The following APBA1 variants were observed in gnomAD, a reference collection of about 807,000 sequenced individuals.
APBA1 encodes the protein amyloid beta precursor protein binding family A member 1, also known as amyloid-beta A4 precursor protein-binding family A member 1.
In APBA1, 55 loss-of-function variants were observed where a neutral mutation model predicts 86.6. The observed-to-expected ratio is 0.64, with a 90% CI of 0.51 to 0.80. The LOEUF (loss-of-function observed/expected upper bound fraction) is 0.80. Among genes scored for constraint, APBA1 ranks in the 30% least tolerant of loss-of-function variants. APBA1 has a pLI of 0.00. For missense variants in APBA1, 1,090 were observed against 1,183.0 expected (o/e 0.92, Z 1.15); for synonymous variants, 511 against 493.9 (o/e 1.03, Z -0.46).
chr9:69,523,475 A>ATG (rs1182596618), intron 1 of APBA1, among the ~76,000 whole-genome samples: 7 of 83,418 alleles, frequency 8.4e-5, no homozygotes, highest in South Asian at 3.5e-4. Context: ...ATATATATAT[A>ATG]TGTATATATA....
chr9:69,456,926 A>G lies in APBA1; in HGVS notation c.1602+127T>C, dbSNP rs1032804236. ...GCAGGCACTGTGAACACCACCTTCT[A>G]GCTCACTGGGGCCCAGAATCTAGGG... On this transcript the variant is annotated intron_variant, in intron 7 of 12. Transcript: ENST00000265381. 11 of 773,608 alleles carry G rather than the reference A, an allele frequency of 1.4e-5. No homozygotes were observed. In the Admixed American group the frequency reaches 2.4e-4, roughly 17 times the overall value. 47.9% of individuals were successfully genotyped at this position (773,608 alleles called of 1,614,324 possible). A position where few individuals can be genotyped will look rare whatever the true frequency, so the allele number is the denominator to read the frequency against.
chr9:69,470,377 G>A (rs1486632971), intron 4 of APBA1, among the ~76,000 whole-genome samples: 3 of 152,122 alleles, frequency 2.0e-5, no homozygotes, highest in African/African-American at 7.2e-5. Context: ...CTGTGGATGA[G>A]GGAGCACACA....
intron 5 of APBA1, chr9:69,461,166 G>A (rs1052229456): frequency 6.6e-6 from 1 of 152,170 alleles, no homozygotes; most frequent in Non-Finnish European, 1.5e-5. Context: ...AGATGGGAGA[G>A]TTGGAGCCAG....
rs560129816 is a variant in APBA1, at chr9:69,462,516, G to A, written c.1483-4328C>T. Reference sequence around the variant, plus strand: ...TTCCAGAGAATACTACCAATGACAGGTATCTATCACATGGTAACAATGTAT... The same window carrying A: ...TTCCAGAGAATACTACCAATGACAGATATCTATCACATGGTAACAATGTAT... On this transcript the variant is annotated intron_variant, in intron 5 of 12. Transcript: ENST00000265381. The A allele has an allele frequency of 3.9e-5, 6 of 152,294 alleles. No homozygotes were observed. The South Asian group carries it at 1.2e-3, about 32-fold the overall frequency. The allele number at this position is 152,294 out of a possible 1,614,324, so 9.4% of individuals were successfully genotyped here. A position where few individuals can be genotyped will look rare whatever the true frequency, so the allele number is the denominator to read the frequency against.
chr9:69,518,695 G>T (rs1315722173), intron 1 of APBA1, among the ~76,000 whole-genome samples: 2 of 152,080 alleles, frequency 1.3e-5, no homozygotes, highest in Non-Finnish European at 2.9e-5. Context: ...TTCTTTTGGA[G>T]AGCCTTTCTT....
At chr9:69,584,389 A>G (rs918918387) in intron 1 of APBA1, among the ~76,000 whole-genome samples, 1 of 152,220 alleles carries the variant, frequency 6.6e-6, no homozygotes. Flanking sequence ...AGCAGTCAAC[A>G]TATCTATCCT....
chr9:69,568,134 G>A (rs28635292), intron 1 of APBA1, among the ~76,000 whole-genome samples: 5,424 of 152,224 alleles, frequency 0.036, 321 homozygotes, highest in African/African-American at 0.12. Context: ...ACACAGGAAC[G>A]TTTTCCACGT....
intron 8 of APBA1, 56 bp from the exon 9 acceptor site, chr9:69,452,357 G>A (rs1443079525): frequency 1.7e-5 from 27 of 1,546,476 alleles, no homozygotes; most frequent in South Asian, 3.5e-5. Context: ...CCTGGTGAGC[G>A]GCCTGGCGCA....
intron 1 of APBA1, among the ~76,000 whole-genome samples, chr9:69,616,904 G>A (rs1461375838): frequency 1.3e-5 from 2 of 152,190 alleles, no homozygotes; most frequent in African/African-American, 4.8e-5. Flanking sequence ...AGATGTTTAA[G>A]ACCCTGACAA....
intron 5 of APBA1, chr9:69,462,380 G>C (rs1835205093): frequency 6.6e-6 from 1 of 152,268 alleles, no homozygotes; most frequent in Non-Finnish European, 1.5e-5. Context: ...CTAGAAAGGG[G>C]TAGGCATGAG....
At chr9:69,621,594 G>A (rs562469257) in intron 1 of APBA1, among the ~76,000 whole-genome samples, 1 of 152,110 alleles carries the variant, frequency 6.6e-6, no homozygotes, top group Non-Finnish European at 1.5e-5. Context: ...TATTCTCTTT[G>A]TGCCTCAGTT....
At chr9:69,604,850 A>C (rs528592712) in intron 1 of APBA1, among the ~76,000 whole-genome samples, 19 of 149,400 alleles carry the variant, frequency 1.3e-4, no homozygotes, top group African/African-American at 4.5e-4. Context: ...GGGTAAGAGG[A>C]GAGGCATATG....
At chr9:69,521,284 C>T (rs952722699) in intron 1 of APBA1, among the ~76,000 whole-genome samples, 46 of 152,338 alleles carry the variant, frequency 3.0e-4, no homozygotes, top group Middle Eastern at 3.4e-3. Context: ...TCCATCTCCA[C>T]ACTTCATCCC....
At chr9:69,499,586 G>A (rs575342069) in intron 2 of APBA1, among the ~76,000 whole-genome samples, 3 of 151,620 alleles carry the variant, frequency 2.0e-5, no homozygotes, top group Non-Finnish European at 2.9e-5. Context: ...CAGCAAGGTC[G>A]ACAGGATAAG....
At chr9:69,527,508 GAT>G (rs752526049) in intron 1 of APBA1, among the ~76,000 whole-genome samples, 2 of 152,102 alleles carry the variant, frequency 1.3e-5, no homozygotes, top group Non-Finnish European at 2.9e-5. Flanking sequence ...TGCATTTTCT[GAT>G]TATGAAGCAG....
Position 69,510,776 on chromosome 9 carries a change from C to T in APBA1, c.1200+5235G>A, listed in dbSNP as rs200482468. 6.5e-4 allele frequency among the ~76,000 whole-genome samples: 95 copies of T among 146,460 alleles called. 2 individuals carry two copies. The East Asian group carries it at 0.018, about 28-fold the overall frequency. On this transcript the variant is annotated intron_variant, in intron 2 of 12. Coordinates refer to ENST00000265381, the MANE Select transcript of APBA1 (RefSeq NM_001163.4). Reference sequence around the variant, plus strand: ...CCTCAGAAATAACGCCGCATATCTACAACTATCTGATCTTTGACAAACCTG... The same window carrying T: ...CCTCAGAAATAACGCCGCATATCTATAACTATCTGATCTTTGACAAACCTG...
chr9:69,460,247 G>A (rs796689027), intron 5 of APBA1, among the ~76,000 whole-genome samples: 3 of 152,294 alleles, frequency 2.0e-5, no homozygotes, highest in African/African-American at 7.2e-5. Flanking sequence ...TGTTCTTACT[G>A]GTCGCCATGA....
At chr9:69,459,453 A>AGC in intron 5 of APBA1, among the ~76,000 whole-genome samples, 1 of 152,208 alleles carries the variant, frequency 6.6e-6, no homozygotes, top group East Asian at 1.9e-4. Flanking sequence ...TTTATCTTAC[A>AGC]GCTATGTTAT....
chr9:69,649,195 T>A (rs560078344), intron 1 of APBA1, among the ~76,000 whole-genome samples: 2 of 152,218 alleles, frequency 1.3e-5, no homozygotes, highest in South Asian at 4.1e-4. Flanking sequence ...TTCCATCTTG[T>A]AAAATGCACG....
Sources: allele counts gnomAD v4.1 joint callset (sites outside exome capture counted in the v4.1 genomes callset), GRCh38; gene constraint gnomAD v4.1.1; transcripts MANE v1.5; gene names NCBI Gene and HGNC (gene_info 2026-07-23, HGNC 2026-07-21).